CEP85L: variants seen among roughly 807,000 people sequenced by gnomAD.
CEP85L encodes centrosomal protein 85L.
CEP85L carries 60 observed loss-of-function variants against 100.3 expected under a neutral mutation model. That is an observed-to-expected ratio of 0.60 (90% CI 0.49 to 0.74). The LOEUF (loss-of-function observed/expected upper bound fraction) is 0.74, where lower values mean the gene tolerates loss of function less well. Ranked by LOEUF, CEP85L falls within the 30% of genes least tolerant of loss-of-function variation. The pLI, the probability that CEP85L is intolerant of heterozygous loss-of-function variation, is 0.00. For synonymous variants in CEP85L, 319 were observed against 322.7 expected, an observed-to-expected ratio of 0.99 and a Z score of 0.12; for missense variants, 973 against 936.2, an observed-to-expected ratio of 1.04 and a Z score of -0.51.
At chr6:118,633,472 G>A (rs918887521) in intron 1 of CEP85L, among the ~76,000 whole-genome samples, 4 of 152,114 alleles carry the variant, frequency 2.6e-5, no homozygotes, top group Non-Finnish European at 5.9e-5. Flanking sequence ...CCAAAGTGCT[G>A]GGATTGCAGG....
chr6:118,571,516 G>A (rs779680242), intron 2 of CEP85L, among the ~76,000 whole-genome samples: 17 of 152,076 alleles, frequency 1.1e-4, no homozygotes, highest in South Asian at 4.2e-4. Flanking sequence ...CTTCTGTTTC[G>A]CTATCATGTT....
chr6:118,605,697 GGGCCTCT>G (rs1238199123), intron 2 of CEP85L, among the ~76,000 whole-genome samples: 2 of 150,926 alleles, frequency 1.3e-5, no homozygotes, highest in Non-Finnish European at 3.0e-5. Flanking sequence ...AGTTATCTTA[GGGCCTCT>G]CATGTGTGCA....
intron 1 of CEP85L, among the ~76,000 whole-genome samples, chr6:118,700,720 G>T (rs770692957): frequency 6.6e-6 from 1 of 152,140 alleles, no homozygotes; most frequent in African/African-American, 2.4e-5. Flanking sequence ...CTTGCCTTGC[G>T]AAACTGTTCC....
At chr6:118,706,719 AT>A (rs1212200771) in intron 1 of CEP85L, among the ~76,000 whole-genome samples, 3 of 152,166 alleles carry the variant, frequency 2.0e-5, no homozygotes, top group African/African-American at 7.2e-5. Flanking sequence ...CTTTTCTTAC[AT>A]TTTTGAACAT....
Position 118,491,844 on chromosome 6 carries a change from G to A in CEP85L, c.1279C>T (p.Leu427Phe), listed in dbSNP as rs779489293. The A allele has an allele frequency of 5.2e-5, 83 of 1,608,514 alleles. No homozygotes were observed. Among genetic ancestry groups the A allele is most frequent in the Non-Finnish European group, 6.4e-5 (76 of 1,178,316 alleles). Residue 427 changes from leucine to phenylalanine, a missense_variant, in exon 6 of 13, where the codon CTC becomes TTC. Leu to Phe is a conservative substitution (Grantham distance 22, BLOSUM62 0). Coordinates refer to ENST00000368491, the MANE Select transcript of CEP85L (RefSeq NM_001042475.3). The stretch of plus-strand genomic sequence containing the variant: ...GATTCCTCTGAAAATGGTGTCTGGA[G>A]TGAAGTGTTCTCATATTGTGGCTGT... ...SLQPQYENTSLQTPFSEESVS... is the reference protein window; with the variant it reads ...SLQPQYENTSFQTPFSEESVS...
At chr6:118,546,039 ACT>A (rs58524043) in intron 3 of CEP85L, among the ~76,000 whole-genome samples, 70,373 of 151,772 alleles carry the variant, frequency 0.46, 16,803 homozygotes, top group Middle Eastern at 0.57. Flanking sequence ...ATTGAGGAAC[ACT>A]CTACTGATAA....
At chr6:118,556,011 A>T (rs1309855692) in intron 3 of CEP85L, among the ~76,000 whole-genome samples, 2 of 152,216 alleles carry the variant, frequency 1.3e-5, no homozygotes, top group Non-Finnish European at 1.5e-5. Flanking sequence ...ATAGTATTGC[A>T]TGGTGTATAT....
At chr6:118,489,247 T>C (rs1774389402) in intron 6 of CEP85L, among the ~76,000 whole-genome samples, 1 of 138,010 alleles carries the variant, frequency 7.2e-6, no homozygotes, top group East Asian at 2.1e-4. Context: ...AGCCTGAGTT[T>C]GCAAAAAGTG....
intron 6 of CEP85L, among the ~76,000 whole-genome samples, chr6:118,489,999 A>G (rs12192747): frequency 0.016 from 2,462 of 151,978 alleles, 34 homozygotes; most frequent in Non-Finnish European, 0.027. Context: ...ACACACACGC[A>G]CACACACACA....
intron 2 of CEP85L, among the ~76,000 whole-genome samples, chr6:118,589,932 G>C (rs985613830): frequency 1.3e-5 from 2 of 152,134 alleles, no homozygotes; most frequent in African/African-American, 2.4e-5. Context: ...ACCTACCTCA[G>C]AAAACAAGTA....
intron 4 of CEP85L, among the ~76,000 whole-genome samples, chr6:118,511,660 T>A (rs1775979072): frequency 6.6e-6 from 1 of 152,190 alleles, no homozygotes; most frequent in Non-Finnish European, 1.5e-5. Flanking sequence ...GTATGCAGTA[T>A]CTCTCATCTT....
Position 118,598,350 on chromosome 6 carries a change from A to T in CEP85L, c.233-32034T>A, listed in dbSNP as rs117345901. Among the ~76,000 whole-genome samples, 1,151 of 152,298 alleles carry T rather than the reference A, an allele frequency of 7.6e-3. 6 individuals are homozygous for T. The highest frequency in any genetic ancestry group is 0.015 in the South Asian group (71 of 4,832). The stretch of plus-strand genomic sequence containing the variant: ...TATAGAGGGTGCTGTGGGTTGAATT[A>T]TGTCCTCCATAAAAATACATTAAAA... On this transcript the variant is annotated intron_variant, in intron 2 of 12. Coordinates refer to ENST00000368491, the MANE Select transcript of CEP85L (RefSeq NM_001042475.3).
intron 3 of CEP85L, among the ~76,000 whole-genome samples, chr6:118,535,375 G>A (rs576157759): frequency 4.6e-5 from 7 of 152,248 alleles, no homozygotes; most frequent in Admixed American, 1.3e-4. Context: ...GCGGGGTAGA[G>A]GACTAACTAC....
At chr6:118,598,705 C>A (rs779058914) in intron 2 of CEP85L, among the ~76,000 whole-genome samples, 2 of 152,188 alleles carry the variant, frequency 1.3e-5, no homozygotes, top group African/African-American at 4.8e-5. Flanking sequence ...TCATTTTGAA[C>A]CTTATAGTCT....
At chr6:118,518,121 ATTCGGTT>A (rs910781135) in intron 4 of CEP85L, among the ~76,000 whole-genome samples, 19 of 152,134 alleles carry the variant, frequency 1.2e-4, no homozygotes, top group African/African-American at 4.6e-4. Flanking sequence ...GTGCTGCTGG[ATTCGGTT>A]TTCCAGTATT....
intron 2 of CEP85L, among the ~76,000 whole-genome samples, chr6:118,627,184 G>C (rs370198196): frequency 1.2e-4 from 13 of 110,292 alleles, no homozygotes; most frequent in African/African-American, 4.7e-4. Context: ...GGACAACAGA[G>C]CAAGACTCCA....
intron 6 of CEP85L, among the ~76,000 whole-genome samples, chr6:118,490,216 C>T (rs745941486): frequency 3.3e-5 from 5 of 151,986 alleles, no homozygotes; most frequent in Non-Finnish European, 7.4e-5. Flanking sequence ...AGTTACTCTT[C>T]GATGCATACA....
At chr6:118,524,246 C>T (rs976135220) in intron 3 of CEP85L, among the ~76,000 whole-genome samples, 1 of 152,038 alleles carries the variant, frequency 6.6e-6, no homozygotes, top group Non-Finnish European at 1.5e-5. Flanking sequence ...AGATCACCAC[C>T]ATCCTGGCTA....
At chr6:118,691,130 G>A (rs964739916) in intron 1 of CEP85L, among the ~76,000 whole-genome samples, 1 of 62,538 alleles carries the variant, frequency 1.6e-5, no homozygotes, top group Non-Finnish European at 4.0e-5. Context: ...AAATGACAAA[G>A]GAGGCCAGGC....
Sources: gnomAD v4.1 joint callset for allele counts (sites outside exome capture counted in the v4.1 genomes callset) on GRCh38, gnomAD v4.1.1 for gene constraint, MANE v1.5 for transcripts, NCBI Gene and HGNC (gene_info 2026-07-23, HGNC 2026-07-21) for gene names.